SP4: variants seen among roughly 807,000 people sequenced by gnomAD.
SP4 encodes Sp4 transcription factor.
In SP4, 19 loss-of-function variants were observed where a neutral mutation model predicts 72.8. That is an observed-to-expected ratio of 0.26 (90% confidence interval 0.18 to 0.38). The LOEUF (loss-of-function observed/expected upper bound fraction) is 0.38, where lower values mean the gene tolerates loss of function less well. Among genes scored for constraint, SP4 ranks in the 10% least tolerant of loss-of-function variants. The pLI, the probability that SP4 is intolerant of heterozygous loss-of-function variation, is 1.00. For synonymous variants in SP4, 395 were observed against 333.1 expected (o/e 1.19, Z -2.02); for missense variants, 1,008 against 926.3 (o/e 1.09, Z -1.14).
intron 5 of SP4, among the ~76,000 whole-genome samples, chr7:21,500,005 A>G (rs1478989207): frequency 6.6e-6 from 1 of 152,156 alleles, no homozygotes; most frequent in Non-Finnish European, 1.5e-5. Context: ...TCCAAGGGAA[A>G]TTACTGTTAA....
At position 21,446,054 on chromosome 7, in the gene SP4, ATGTG is replaced by A. The variant is rs3060612; in HGVS notation, c.1678+15226_1678+15229del. Among the ~76,000 whole-genome samples the A allele has an allele frequency of 2.2e-4, 32 of 147,726 alleles. 1 individual carries two copies. Among genetic ancestry groups the A allele is most frequent in the South Asian group, 2.2e-3 (10 of 4,640 alleles). ...TGCACGCATATGTAGGTAGATATATATGTGTGTGTGTGTGTGTGGTGTGTGCATA... is the reference window on the plus strand; with the variant it reads ...TGCACGCATATGTAGGTAGATATATATGTGTGTGTGTGTGGTGTGTGCATA... On this transcript the variant is annotated intron_variant, in intron 3 of 5. Transcript: ENST00000222584.
At chr7:21,429,245 T>C (rs1230974740) in intron 2 of SP4, 44 bp from the exon 3 acceptor site, 5 of 1,090,748 alleles carry the variant, frequency 4.6e-6, no homozygotes, top group African/African-American at 3.2e-5. Flanking sequence ...ATCCGCCCAC[T>C]TTTTTTCCCC....
chr7:21,431,535 T>C (rs1782854298), intron 3 of SP4, among the ~76,000 whole-genome samples: 1 of 152,236 alleles, frequency 6.6e-6, no homozygotes, highest in African/African-American at 2.4e-5. Flanking sequence ...GTAAGGTTGG[T>C]GGAAAGCAAT....
At chr7:21,507,021 G>C (rs1051483600) in intron 5 of SP4, among the ~76,000 whole-genome samples, 1 of 152,096 alleles carries the variant, frequency 6.6e-6, no homozygotes, top group Non-Finnish European at 1.5e-5. Flanking sequence ...GGAGGGTGTT[G>C]CCTCTCCCAG....
intron 1 of SP4, 124 bp downstream of exon 1, chr7:21,428,382 G>A: frequency 5.7e-6 from 4 of 707,196 alleles, no homozygotes; most frequent in Non-Finnish European, 1.1e-5. Context: ...AGGAGGAGAG[G>A]GCGGGAGGGA....
chr7:21,474,035 G>T (rs1784421767), intron 3 of SP4, among the ~76,000 whole-genome samples: 1 of 152,162 alleles, frequency 6.6e-6, no homozygotes, highest in Admixed American at 6.6e-5. Flanking sequence ...ATTTGCCTCT[G>T]TTATTCATTG....
At chr7:21,456,369 G>A (rs118126128) in intron 3 of SP4, among the ~76,000 whole-genome samples, 1 of 152,298 alleles carries the variant, frequency 6.6e-6, no homozygotes, top group East Asian at 1.9e-4. Context: ...TAAGGAGCTC[G>A]CAGAGCCAGG....
chr7:21,495,504 T>G (rs1412031795), intron 5 of SP4, among the ~76,000 whole-genome samples: 1 of 152,140 alleles, frequency 6.6e-6, no homozygotes, highest in East Asian at 1.9e-4. Context: ...TGATATCATC[T>G]ATTAGGGAAA....
intron 3 of SP4, among the ~76,000 whole-genome samples, chr7:21,445,453 A>G (rs1166407642): frequency 6.6e-6 from 1 of 152,184 alleles, no homozygotes; most frequent in Non-Finnish European, 1.5e-5. Context: ...CTTAGTTGAC[A>G]GGGTTGGTCC....
intron 3 of SP4, among the ~76,000 whole-genome samples, chr7:21,474,355 C>G (rs561272415): frequency 1.3e-5 from 2 of 152,172 alleles, no homozygotes; most frequent in Non-Finnish European, 2.9e-5. Flanking sequence ...AGGGTACTTA[C>G]CAACTTAAAA....
intron 3 of SP4, among the ~76,000 whole-genome samples, chr7:21,449,325 C>T (rs1783519499): frequency 6.6e-6 from 1 of 152,174 alleles, no homozygotes. Context: ...CAGGTTGTGC[C>T]GCCTCCTCTT....
rs1782224629 is a variant in SP4, at chr7:21,514,636, T to C, written c.*3367T>C. 6.6e-6 allele frequency: 1 copy of C among 152,154 alleles called. No individual in the cohort carries two copies. The highest frequency in any genetic ancestry group is 2.1e-4 in the South Asian group (1 of 4,828). The allele number at this position is 152,154 out of a possible 1,614,324, so 9.4% of individuals were successfully genotyped here. On this transcript the variant is annotated 3_prime_UTR_variant, in exon 6 of 6. Coordinates refer to ENST00000222584, the MANE Select transcript of SP4 (RefSeq NM_003112.5). Reference sequence around the variant, plus strand: ...GCCAGCAAAGCCTCTGGGGCTGTAATTGACATTTTTACAGTGCTGATTTGT... The same window carrying C: ...GCCAGCAAAGCCTCTGGGGCTGTAACTGACATTTTTACAGTGCTGATTTGT...
At chr7:21,510,184 C>CT (rs908287858) in intron 5 of SP4, among the ~76,000 whole-genome samples, 6 of 152,164 alleles carry the variant, frequency 3.9e-5, no homozygotes, top group Admixed American at 2.6e-4. Flanking sequence ...AACCCTATCA[C>CT]TTATTACCCA....
intron 3 of SP4, among the ~76,000 whole-genome samples, chr7:21,458,634 A>T (rs148085927): frequency 1.2e-4 from 19 of 152,244 alleles, no homozygotes; most frequent in African/African-American, 4.6e-4. Context: ...TAATATAATA[A>T]TTTTTTTAAA....
At position 21,430,448 on chromosome 7, in the gene SP4, A is replaced by C; in HGVS notation, c.1283A>C (p.Gln428Pro). The C allele has an allele frequency of 1.2e-6, 2 of 1,614,204 alleles. No individual in the cohort carries two copies. The highest frequency in any genetic ancestry group is 8.5e-7 in the Non-Finnish European group (1 of 1,180,042). ...QAIPPQSFQL[Q>P]SGQTIQTIQQ... ...ATTCCACCACAGTCGTTTCAACTCC[A>C]GTCAGGGCAGACGATTCAGACCATC... The change falls in exon 3 of 6, where the codon CAG becomes CCG. Residue 428 changes from glutamine to proline, a missense_variant. Coordinates refer to ENST00000222584, the MANE Select transcript of SP4 (RefSeq NM_003112.5).
intron 3 of SP4, among the ~76,000 whole-genome samples, chr7:21,442,785 G>C (rs1783302567): frequency 2.0e-5 from 3 of 152,220 alleles, no homozygotes; most frequent in Admixed American, 2.0e-4. Flanking sequence ...GCCTAGGCTA[G>C]AGTGCAGTGG....
chr7:21,451,923 C>T (rs4722032), intron 3 of SP4, among the ~76,000 whole-genome samples: 1 of 152,262 alleles, frequency 6.6e-6, no homozygotes, highest in African/African-American at 2.4e-5. Context: ...TGTAGTCATG[C>T]CGGCTGAGAC....
intron 3 of SP4, among the ~76,000 whole-genome samples, chr7:21,475,954 C>G (rs1051986495): frequency 6.6e-6 from 1 of 152,044 alleles, no homozygotes; most frequent in Admixed American, 6.6e-5. Flanking sequence ...GAATGTAGAA[C>G]TGTGTGAAAG....
rs754897202 is a variant in SP4 at position 21,429,855 on chromosome 7, G to A, written c.690G>A (p.Pro230=). Residue 230 remains proline (P), a synonymous_variant, in exon 3 of 6, where the codon CCG becomes CCA. Transcript: ENST00000222584. ...AAAACCTGGCAAATCAGACAGTTCC[G>A]GTCCAAATTAGACCTGGTGTTTCAA... ...LAQNLANQTV[P]VQIRPGVSIP... 5.6e-6 allele frequency: 9 copies of A among 1,614,088 alleles called. No individual in the cohort carries two copies. Among genetic ancestry groups the A allele is most frequent in the South Asian group, 4.4e-5 (4 of 91,082 alleles).
Sources: allele counts gnomAD v4.1 joint callset (sites outside exome capture counted in the v4.1 genomes callset), GRCh38; gene constraint gnomAD v4.1.1; transcripts MANE v1.5; gene names NCBI Gene and HGNC (gene_info 2026-07-23, HGNC 2026-07-21).